The following COL25A1 variants were observed in gnomAD, a reference collection of about 807,000 sequenced individuals.
COL25A1 encodes the protein collagen alpha-1(XXV) chain.
In COL25A1, 103 loss-of-function variants were observed where a neutral mutation model predicts 128.4. That is an observed-to-expected ratio of 0.80 (90% CI 0.68 to 0.94). The LOEUF (loss-of-function observed/expected upper bound fraction) is 0.94, where lower values mean the gene tolerates loss of function less well. Ranked by LOEUF, COL25A1 falls within the 40% of genes least tolerant of loss-of-function variation. The probability of loss-of-function intolerance (pLI) is 0.00; values close to 1 mark genes in which losing one functional copy is unlikely to be tolerated. For missense variants in COL25A1, 745 were observed against 840.0 expected, an observed-to-expected ratio of 0.89 and a Z score of 1.40; for synonymous variants, 279 against 277.2, an observed-to-expected ratio of 1.01 and a Z score of -0.06.
chr4:108,901,603 C>G (rs541286203), intron 13 of COL25A1, among the ~76,000 whole-genome samples: 22 of 152,178 alleles, frequency 1.4e-4, no homozygotes, highest in African/African-American at 5.1e-4. Context: ...CATTTACAAA[C>G]CTAAATCTTG....
intron 3 of COL25A1, among the ~76,000 whole-genome samples, chr4:109,078,230 G>A (rs531931229): frequency 2.0e-5 from 3 of 152,198 alleles, no homozygotes; most frequent in South Asian, 2.1e-4. Context: ...GAAGGTTTTT[G>A]TTTTGCTTTG....
At chr4:109,294,699 C>T (rs1724809515) in intron 3 of COL25A1, among the ~76,000 whole-genome samples, 1 of 152,054 alleles carries the variant, frequency 6.6e-6, no homozygotes, top group African/African-American at 2.4e-5. Context: ...TTCCTTAAAA[C>T]CACCAAATAA....
chr4:108,819,877 T>C (rs938292187), intron 35 of COL25A1: 30 of 1,231,286 alleles, frequency 2.4e-5, no homozygotes, highest in Non-Finnish European at 2.9e-5. Flanking sequence ...GGCCCCTTTT[T>C]GCCTTTCTTT....
chr4:108,940,402 T>G (rs1430353913), intron 10 of COL25A1, 137 bp downstream of exon 10: 1 of 756,528 alleles, frequency 1.3e-6, no homozygotes, highest in Non-Finnish European at 2.4e-6. Context: ...ACTCCACTCA[T>G]CATCCCACTT....
rs571644730 is a variant in COL25A1 at position 109,059,612 on chromosome 4, C to T, written c.368-9433G>A. 4.7e-4 allele frequency among the ~76,000 whole-genome samples: 72 copies of T among 152,296 alleles called. 1 individual carries two copies. In the Middle Eastern group the frequency reaches 0.017, roughly 36 times the overall value. The stretch of plus-strand genomic sequence containing the variant: ...GTTCTATTTTACAAAGTTAAAAAGA[C>T]ACTGTTCTCTCTTCATACACTGAGA... On this transcript the variant is annotated intron_variant, in intron 3 of 37. Coordinates refer to ENST00000399132, the MANE Select transcript of COL25A1 (RefSeq NM_198721.4).
chr4:109,030,389 T>A (rs566673331), intron 5 of COL25A1, among the ~76,000 whole-genome samples: 1 of 152,070 alleles, frequency 6.6e-6, no homozygotes, highest in East Asian at 1.9e-4. Context: ...AGAGTTCAAG[T>A]GGAATAGCCT....
intron 3 of COL25A1, among the ~76,000 whole-genome samples, chr4:109,107,570 TGAG>T (rs576871017): frequency 3.9e-5 from 6 of 151,956 alleles, no homozygotes; most frequent in Non-Finnish European, 7.4e-5. Context: ...ATGCTGGAGG[TGAG>T]GAGAAGAAAA....
chr4:109,069,354 G>C (rs1437624008), intron 3 of COL25A1, among the ~76,000 whole-genome samples: 2 of 151,822 alleles, frequency 1.3e-5, no homozygotes. Context: ...TGGGACAGCA[G>C]GCATGCACCA....
At chr4:109,084,933 C>G (rs1320716777) in intron 3 of COL25A1, among the ~76,000 whole-genome samples, 1 of 152,090 alleles carries the variant, frequency 6.6e-6, no homozygotes, top group Non-Finnish European at 1.5e-5. Context: ...TAATTTTTAT[C>G]CCTACAATTC....
intron 3 of COL25A1, among the ~76,000 whole-genome samples, chr4:109,214,926 G>A (rs938532121): frequency 1.3e-5 from 2 of 152,130 alleles, no homozygotes; most frequent in African/African-American, 2.4e-5. Context: ...ACTAGCAGCA[G>A]ATTCATTTCA....
intron 3 of COL25A1, among the ~76,000 whole-genome samples, chr4:109,054,178 A>C (rs1761246173): frequency 6.6e-6 from 1 of 152,204 alleles, no homozygotes; most frequent in Non-Finnish European, 1.5e-5. Context: ...ATAAAAGTTG[A>C]CTATATGTGA....
At chr4:109,137,548 C>T (rs1362969356) in intron 3 of COL25A1, among the ~76,000 whole-genome samples, 2 of 152,144 alleles carry the variant, frequency 1.3e-5, no homozygotes, top group African/African-American at 2.4e-5. Flanking sequence ...TAATCATTTC[C>T]CCACCTAGAG....
intron 6 of COL25A1, among the ~76,000 whole-genome samples, chr4:108,988,972 TACTA>T (rs1156469628): frequency 6.6e-6 from 1 of 152,204 alleles, no homozygotes; most frequent in Non-Finnish European, 1.5e-5. Flanking sequence ...CAGTGTCAGC[TACTA>T]CTTGTCCACT....
chr4:109,009,927 A>G (rs774705165), intron 6 of COL25A1, among the ~76,000 whole-genome samples: 3 of 152,238 alleles, frequency 2.0e-5, no homozygotes, highest in Non-Finnish European at 4.4e-5. Context: ...TAAATTAAAA[A>G]TTCAATATCT....
intron 10 of COL25A1, 149 bp from the exon 11 acceptor site, chr4:108,937,992 T>C (rs1747640248): frequency 1.7e-6 from 1 of 586,512 alleles, no homozygotes; most frequent in East Asian, 3.0e-5. Flanking sequence ...AAAAGAGAGC[T>C]AATTTCCCTT....
At chr4:109,250,722 A>C (rs1780590087) in intron 3 of COL25A1, among the ~76,000 whole-genome samples, 1 of 152,194 alleles carries the variant, frequency 6.6e-6, no homozygotes, top group African/African-American at 2.4e-5. Context: ...TTTACTGAAT[A>C]TACCAATTTA....
intron 32 of COL25A1, among the ~76,000 whole-genome samples, chr4:108,827,684 G>A (rs1168326899): frequency 6.6e-6 from 1 of 151,948 alleles, no homozygotes; most frequent in African/African-American, 2.4e-5. Context: ...GCACCACTAT[G>A]CCCAGGTAGT....
rs111315971 is a variant in COL25A1 at position 109,014,306 on chromosome 4, C to CAA, written c.421-3933_421-3932dup. Among the ~76,000 whole-genome samples the CAA allele has an allele frequency of 1.3e-3, 198 of 147,082 alleles. 3 individuals are homozygous for CAA. Among genetic ancestry groups the CAA allele is most frequent in the Middle Eastern group, 0.011 (3 of 280 alleles). On this transcript the variant is annotated intron_variant, in intron 5 of 37. Transcript: ENST00000399132. ...TCAGTTATAGAGTGACACTCTGTCT[C>CAA]AAAAAAAAAAAGTGTAAACATGAAT...
chr4:109,010,317 T>A, intron 6 of COL25A1, 41 bp downstream of exon 6: 1 of 1,520,386 alleles, frequency 6.6e-7, no homozygotes, highest in Non-Finnish European at 9.0e-7. Flanking sequence ...ACTGGGAAAA[T>A]CCTAAATTGA....
Sources: allele counts gnomAD v4.1 joint callset (sites outside exome capture counted in the v4.1 genomes callset), GRCh38; gene constraint gnomAD v4.1.1; transcripts MANE v1.5; gene names NCBI Gene and HGNC (gene_info 2026-07-23, HGNC 2026-07-21).